Variants in BBS9 observed in about 807,000 individuals in gnomAD.
BBS9 encodes protein PTHB1.
BBS9 carries 89 observed loss-of-function variants against 117.7 expected under a neutral mutation model. The observed-to-expected ratio is 0.76, with a 90% CI of 0.64 to 0.90. The LOEUF (loss-of-function observed/expected upper bound fraction) is 0.90. Ranked by LOEUF, BBS9 falls within the 40% of genes least tolerant of loss-of-function variation. The pLI, the probability that BBS9 is intolerant of heterozygous loss-of-function variation, is 0.00. For synonymous variants in BBS9, 379 were observed against 370.9 expected (o/e 1.02, Z -0.25); for missense variants, 982 against 1,042.2 (o/e 0.94, Z 0.80).
At chr7:33,235,677 C>A (rs900970031) in intron 5 of BBS9, among the ~76,000 whole-genome samples, 4 of 152,084 alleles carry the variant, frequency 2.6e-5, no homozygotes, top group Non-Finnish European at 4.4e-5. Flanking sequence ...ACAAAATCAA[C>A]TGGACTTTTA....
intron 9 of BBS9, among the ~76,000 whole-genome samples, chr7:33,310,242 G>GT (rs1375814965): frequency 6.6e-6 from 1 of 151,950 alleles, no homozygotes; most frequent in Admixed American, 6.6e-5. Context: ...TTCTGTCATT[G>GT]TTTTTCTACA....
chr7:33,408,170 A>G (rs1250933095), intron 19 of BBS9, among the ~76,000 whole-genome samples: 4 of 152,082 alleles, frequency 2.6e-5, no homozygotes, highest in South Asian at 2.1e-4. Flanking sequence ...CCTCGCTGCC[A>G]CCTTGCAGTT....
intron 5 of BBS9, among the ~76,000 whole-genome samples, chr7:33,248,383 A>G (rs1450115088): frequency 6.6e-6 from 1 of 152,170 alleles, no homozygotes; most frequent in Non-Finnish European, 1.5e-5. Flanking sequence ...TCAAACAATA[A>G]CAGAATATGA....
chr7:33,212,450 C>T (rs558828684), intron 5 of BBS9, among the ~76,000 whole-genome samples: 8 of 152,232 alleles, frequency 5.3e-5, no homozygotes, highest in South Asian at 4.1e-4. Context: ...TTTATCTGAT[C>T]GGATTCTGAA....
At chr7:33,412,047 A>G (rs1488357019) in intron 19 of BBS9, among the ~76,000 whole-genome samples, 1 of 152,138 alleles carries the variant, frequency 6.6e-6, no homozygotes, top group Non-Finnish European at 1.5e-5. Context: ...TTTTAAACTA[A>G]AATGTATTAT....
At chr7:33,549,389 A>G (rs1853975465) in intron 21 of BBS9, among the ~76,000 whole-genome samples, 1 of 145,876 alleles carries the variant, frequency 6.9e-6, no homozygotes, top group Non-Finnish European at 1.5e-5. Context: ...TGTCCAAAAC[A>G]CCAAAAGCAA....
intron 21 of BBS9, among the ~76,000 whole-genome samples, chr7:33,534,826 C>G (rs1851125263): frequency 6.6e-6 from 1 of 152,118 alleles, no homozygotes. Flanking sequence ...GTTCCCAACT[C>G]CTGTTTCCCT....
rs1310576167 is a variant in BBS9, at chr7:33,617,027, A to G, written c.2522-18150A>G. Reference sequence around the variant, plus strand: ...CCTCCAGCTCATTCAGTGTTGCAAAAAAGACATGACTTCATTCTTTTTTTT... The same window carrying G: ...CCTCCAGCTCATTCAGTGTTGCAAAGAAGACATGACTTCATTCTTTTTTTT... On this transcript the variant is annotated intron_variant, in intron 21 of 21. Coordinates refer to the BBS9 transcript ENST00000671952. 2.0e-5 allele frequency among the ~76,000 whole-genome samples: 3 copies of G among 152,070 alleles called. No individual in the cohort carries two copies. In the South Asian group the frequency reaches 6.2e-4, roughly 31 times the overall value.
At chr7:33,302,129 AT>A (rs897238463) in intron 9 of BBS9, among the ~76,000 whole-genome samples, 1 of 151,760 alleles carries the variant, frequency 6.6e-6, no homozygotes, top group African/African-American at 2.4e-5. Flanking sequence ...GTATTATTAG[AT>A]TTTTTTCCTA....
At chr7:33,364,025 T>C (rs1267579931) in intron 16 of BBS9, among the ~76,000 whole-genome samples, 1 of 94,588 alleles carries the variant, frequency 1.1e-5, no homozygotes, top group Non-Finnish European at 2.2e-5. Flanking sequence ...CTCGGCTCAC[T>C]GCAAGCTCCG....
chr7:33,370,947 A>T (rs1822747981), intron 17 of BBS9, among the ~76,000 whole-genome samples: 2 of 152,238 alleles, frequency 1.3e-5, no homozygotes, highest in Non-Finnish European at 2.9e-5. Flanking sequence ...GTATTTCAAG[A>T]AATCAGAAAG....
At chr7:33,534,283 A>G in intron 21 of BBS9, 107 bp downstream of exon 21, 1 of 1,212,024 alleles carries the variant, frequency 8.3e-7, no homozygotes, top group South Asian at 1.3e-5. Context: ...AAGTGATGAT[A>G]GCCAAGAAAA....
At chr7:33,348,888 A>G (rs2128660354) in intron 12 of BBS9, among the ~76,000 whole-genome samples, 180 bp from the exon 13 acceptor site, 1 of 152,272 alleles carries the variant, frequency 6.6e-6, no homozygotes, top group Middle Eastern at 3.4e-3. Flanking sequence ...GCTTTTGTGC[A>G]CAGTTTCTAC....
chr7:33,370,956 A>G (rs993334723), intron 17 of BBS9, among the ~76,000 whole-genome samples: 1 of 152,234 alleles, frequency 6.6e-6, no homozygotes, highest in Non-Finnish European at 1.5e-5. Context: ...GAAATCAGAA[A>G]GAGAAAATCA....
chr7:33,202,185 A>T (rs1785996973), intron 5 of BBS9, among the ~76,000 whole-genome samples: 1 of 152,146 alleles, frequency 6.6e-6, no homozygotes, highest in Admixed American at 6.5e-5. Flanking sequence ...TTTCATTTTC[A>T]TTGCTGTCAA....
intron 21 of BBS9, among the ~76,000 whole-genome samples, chr7:33,554,593 G>A (rs1400222741): frequency 2.0e-5 from 3 of 152,154 alleles, no homozygotes; most frequent in African/African-American, 2.4e-5. Context: ...GAAGAACAGT[G>A]TGTGTGTATG....
chr7:33,390,808 T>G (rs1826936932), intron 19 of BBS9, among the ~76,000 whole-genome samples: 1 of 152,204 alleles, frequency 6.6e-6, no homozygotes, highest in South Asian at 2.1e-4. Context: ...CACACCTCTT[T>G]TTTTGGCACA....
At chr7:33,285,784 A>G (rs1354551764) in intron 9 of BBS9, among the ~76,000 whole-genome samples, 1 of 152,124 alleles carries the variant, frequency 6.6e-6, no homozygotes, top group Non-Finnish European at 1.5e-5. Flanking sequence ...CCTTGTAGGA[A>G]TCATTAAATA....
intron 21 of BBS9, among the ~76,000 whole-genome samples, chr7:33,621,083 TTAAAAG>T (rs1349439248): frequency 1.3e-5 from 2 of 152,090 alleles, no homozygotes; most frequent in East Asian, 3.8e-4. Flanking sequence ...GAAAAAAGAC[TTAAAAG>T]TAAGATGTGA....
Sources: gnomAD v4.1 joint callset for allele counts (sites outside exome capture counted in the v4.1 genomes callset) on GRCh38, gnomAD v4.1.1 for gene constraint, MANE v1.5 for transcripts, NCBI Gene and HGNC (gene_info 2026-07-23, HGNC 2026-07-21) for gene names.